SSUH2: variants seen among roughly 807,000 people sequenced by gnomAD.
SSUH2 encodes the protein protein SSUH2 homolog.
SSUH2 carries 47 observed loss-of-function variants against 55.3 expected under a neutral mutation model. That is an observed-to-expected ratio of 0.85 (90% CI 0.67 to 1.08). The LOEUF (loss-of-function observed/expected upper bound fraction) is 1.08. Among genes scored for constraint, SSUH2 ranks in the 50% least tolerant of loss-of-function variants. The pLI, the probability that SSUH2 is intolerant of heterozygous loss-of-function variation, is 0.00. For synonymous variants in SSUH2, 212 were observed against 191.5 expected (o/e 1.11, Z -0.89); for missense variants, 535 against 490.7 (o/e 1.09, Z -0.85).
intron 10 of SSUH2, among the ~76,000 whole-genome samples, chr3:8,624,866 C>G (rs1697198648): frequency 6.6e-6 from 1 of 152,180 alleles, no homozygotes; most frequent in Non-Finnish European, 1.5e-5. Context: ...GCTCACTGCC[C>G]TCTGCCAGTC....
intron 7 of SSUH2, among the ~76,000 whole-genome samples, chr3:8,655,968 A>T (rs764428447): frequency 6.6e-6 from 1 of 152,262 alleles, no homozygotes; most frequent in Non-Finnish European, 1.5e-5. Context: ...TTGAATTTCA[A>T]AAGAATATTA....
chr3:8,661,245 T>C (rs963467819), intron 6 of SSUH2, among the ~76,000 whole-genome samples: 7 of 152,246 alleles, frequency 4.6e-5, no homozygotes, highest in Admixed American at 3.9e-4. Flanking sequence ...TCCCTCTGCC[T>C]AGAACTCCGT....
At position 8,678,488 on chromosome 3, in the gene SSUH2, AG is replaced by A. The variant is rs1398616367; in HGVS notation, c.-900-1136del. ...CCTGGCTCTTAGGACCCCCATTGCA[AG>A]GGGGTGAGGCACCCCCCGCGAGGCG... is the stretch of plus-strand genomic sequence containing the variant. On this transcript the variant is annotated intron_variant, in intron 2 of 18. Coordinates refer to the SSUH2 transcript ENST00000317371. Among the ~76,000 whole-genome samples the A allele has an allele frequency of 3.4e-5, 4 of 118,524 alleles. 1 individual carries two copies. The highest frequency in any genetic ancestry group is 1.2e-4 in the African/African-American group (4 of 33,388). The allele number at this position is 118,524 out of a possible 152,430, so 77.8% of individuals were successfully genotyped here. A position where few individuals can be genotyped will look rare whatever the true frequency, so the allele number is the denominator to read the frequency against.
chr3:8,624,041 A>G (rs1290329652), intron 10 of SSUH2, among the ~76,000 whole-genome samples: 1 of 152,188 alleles, frequency 6.6e-6, no homozygotes, highest in Non-Finnish European at 1.5e-5. Context: ...AGGGTCAGGC[A>G]CTGTCTGTGA....
At chr3:8,656,529 T>A (rs1357163473) in intron 7 of SSUH2, among the ~76,000 whole-genome samples, 1 of 152,102 alleles carries the variant, frequency 6.6e-6, no homozygotes, top group African/African-American at 2.4e-5. Flanking sequence ...CAACAGCCAT[T>A]CCACAAACAG....
At chr3:8,647,556 C>CA (rs1701856955), upstream of SSUH2, among the ~76,000 whole-genome samples, 1 of 152,184 alleles carries the variant, frequency 6.6e-6, no homozygotes, top group Non-Finnish European at 1.5e-5. Flanking sequence ...GAAGTACTCC[C>CA]AGGGGGCAGA....
intron 4 of SSUH2, among the ~76,000 whole-genome samples, chr3:8,632,987 C>A (rs1243436094): frequency 6.6e-6 from 1 of 152,150 alleles, no homozygotes; most frequent in Non-Finnish European, 1.5e-5. Context: ...TTGGGAAAAT[C>A]ACTTTGCCTC....
chr3:8,635,623 C>A (rs1191582516), intron 2 of SSUH2, 136 bp downstream of exon 2: 1 of 877,130 alleles, frequency 1.1e-6, no homozygotes, highest in African/African-American at 1.7e-5. Context: ...TTTCCACCTG[C>A]CCAAGATGAG....
chr3:8,644,829 C>T, upstream of SSUH2: 1 of 1,304,424 alleles, frequency 7.7e-7, no homozygotes, highest in Non-Finnish European at 1.1e-6. Context: ...TGATGGACCA[C>T]CCTCAGGCCC....
intron 4 of SSUH2, 79 bp downstream of exon 4, chr3:8,633,587 C>T (rs1699305920): frequency 1.6e-6 from 2 of 1,246,984 alleles, no homozygotes; most frequent in African/African-American, 3.0e-5. Flanking sequence ...CCACATCACA[C>T]AAACAGGCCT....
intron 2 of SSUH2, among the ~76,000 whole-genome samples, chr3:8,678,232 G>A (rs115416536): frequency 0.011 from 1,742 of 152,162 alleles, 36 homozygotes; most frequent in African/African-American, 0.04. Flanking sequence ...ATCTCACACC[G>A]GGGTGTATAC....
chr3:8,627,397 G>A (rs144893669), intron 8 of SSUH2: 11 of 314,552 alleles, frequency 3.5e-5, no homozygotes, highest in East Asian at 2.5e-4. Flanking sequence ...TTCCCAACCC[G>A]TGGGCGGGAG....
chr3:8,674,583 G>C (rs1168705526), intron 3 of SSUH2, among the ~76,000 whole-genome samples: 1 of 152,174 alleles, frequency 6.6e-6, no homozygotes, highest in Non-Finnish European at 1.5e-5. Context: ...GGGGGTTTCA[G>C]CAAAGCAAGC....
At chr3:8,663,741 T>A (rs1191946911) in intron 6 of SSUH2, 3 of 454,364 alleles carry the variant, frequency 6.6e-6, no homozygotes, top group Non-Finnish European at 1.3e-5. Context: ...TAGACGCTCT[T>A]ACCTTAACAA....
intron 7 of SSUH2, among the ~76,000 whole-genome samples, chr3:8,651,778 T>C (rs900160608): frequency 1.3e-5 from 2 of 152,102 alleles, no homozygotes; most frequent in African/African-American, 2.4e-5. Context: ...TCAGCAAGGA[T>C]GGATGTGTTC....
chr3:8,679,277 C>T (rs1705765196), intron 2 of SSUH2, among the ~76,000 whole-genome samples: 1 of 81,196 alleles, frequency 1.2e-5, no homozygotes, highest in Non-Finnish European at 2.9e-5. Context: ...TTAGGACCCC[C>T]ATCGGAGGGG....
intron 2 of SSUH2, among the ~76,000 whole-genome samples, chr3:8,678,891 G>T (rs1398068692): frequency 8.7e-5 from 10 of 115,220 alleles, no homozygotes; most frequent in East Asian, 4.4e-4. Flanking sequence ...CCCATTGCAA[G>T]GGAGGGAGGC....
chr3:8,630,836 T>A lies in SSUH2; in HGVS notation c.494A>T (p.Lys165Met), dbSNP rs781553570. Residue 165 changes from lysine to methionine, a missense_variant, in exon 6 of 12, where the codon AAG (lysine) becomes ATG (methionine). Coordinates refer to ENST00000544814, the MANE Select transcript of SSUH2 (RefSeq NM_001256748.3). ...GPPMFQEDTR[K>M]FQVPHSSLVK... ...CAGTGACGAGTGAGGGACCTGGAAC[T>A]TCCTGGTGTCTTCCTGAAACATCGG... 2 of 1,500,708 alleles carry A rather than the reference T, an allele frequency of 1.3e-6. No homozygotes were observed. Among genetic ancestry groups the A allele is most frequent in the South Asian group, 2.8e-5 (2 of 72,380 alleles). 93.0% of individuals were successfully genotyped at this position (1,500,708 alleles called of 1,614,324 possible). A position where few individuals can be genotyped will look rare whatever the true frequency, so the allele number is the denominator to read the frequency against.
chr3:8,678,394 T>C (rs1462337712), intron 2 of SSUH2, among the ~76,000 whole-genome samples: 1 of 152,114 alleles, frequency 6.6e-6, no homozygotes, highest in Non-Finnish European at 1.5e-5. Context: ...AGGATATTAA[T>C]AACAAATTCA....
Sources: gnomAD v4.1 joint callset for allele counts (sites outside exome capture counted in the v4.1 genomes callset) on GRCh38, gnomAD v4.1.1 for gene constraint, MANE v1.5 for transcripts, NCBI Gene and HGNC (gene_info 2026-07-23, HGNC 2026-07-21) for gene names.